Variants in CEP63 observed in about 807,000 individuals in gnomAD.
The protein encoded by CEP63 is centrosomal protein of 63 kDa.
In CEP63, 84 loss-of-function variants were observed where a neutral mutation model predicts 89.1. The ratio of observed to expected loss-of-function variants is 0.94; its 90% CI spans 0.79 to 1.13. CEP63 has a LOEUF of 1.13. Among genes scored for constraint, CEP63 ranks in the 50% most tolerant of loss-of-function variants. The pLI, the probability that CEP63 is intolerant of heterozygous loss-of-function variation, is 0.00. For synonymous variants in CEP63, 267 were observed against 272.5 expected (o/e 0.98, Z 0.20); for missense variants, 838 against 813.3 (o/e 1.03, Z -0.37).
the CEP63 span, among the ~76,000 whole-genome samples, chr3:134,683,630 C>T: frequency 6.6e-6 from 1 of 152,078 alleles, no homozygotes; most frequent in Non-Finnish European, 1.5e-5. Context: ...TAAATGAAAA[C>T]TCCAGGACAC....
In CEP63 at chr3:134,559,272, T is replaced by C. The variant is rs373618043; in HGVS notation, c.1796T>C (p.Leu599Pro). The C allele has an allele frequency of 6.0e-5, 97 of 1,614,206 alleles. No homozygotes were observed. Among genetic ancestry groups the C allele is most frequent in the Non-Finnish European group, 8.1e-5 (96 of 1,180,032 alleles). Reference sequence around the variant, plus strand: ...CCCATGTCTAGGGTGCTAAGCCCCCTGAGTCCTCAAATCAGCCCTTGCAGC... The same window carrying C: ...CCCATGTCTAGGGTGCTAAGCCCCCCGAGTCCTCAAATCAGCCCTTGCAGC... ...INPMSRVLSP[L>P]SPQISPCSST... The change falls in exon 14 of 15, where the codon CTG (leucine) becomes CCG (proline). Residue 599 changes from leucine to proline, a missense_variant. Transcript: ENST00000675561.
intron 10 of CEP63, among the ~76,000 whole-genome samples, chr3:134,581,210 A>G (rs1958337613): frequency 1.3e-5 from 2 of 152,182 alleles, no homozygotes; most frequent in African/African-American, 2.4e-5. Flanking sequence ...TATACAGTAA[A>G]TTTGTGTTAA....
At chr3:134,722,622 A>G in the CEP63 span, among the ~76,000 whole-genome samples, 1 of 151,796 alleles carries the variant, frequency 6.6e-6, no homozygotes, top group Non-Finnish European at 1.5e-5. Flanking sequence ...TTTTTCTAGG[A>G]TGTCATTTTT....
chr3:134,567,192 A>G (rs902124515), downstream of CEP63, among the ~76,000 whole-genome samples: 2 of 151,386 alleles, frequency 1.3e-5, no homozygotes, highest in Non-Finnish European at 2.9e-5. Flanking sequence ...CTCCATTTAC[A>G]TGAATTGCCC....
At chr3:134,715,659 C>T in the CEP63 span, among the ~76,000 whole-genome samples, 4 of 151,676 alleles carry the variant, frequency 2.6e-5, no homozygotes, top group Non-Finnish European at 5.9e-5. Context: ...GCTAGGTCTT[C>T]CTTTAAAGAG....
At chr3:134,686,415 C>A in the CEP63 span, among the ~76,000 whole-genome samples, 3 of 152,172 alleles carry the variant, frequency 2.0e-5, no homozygotes, top group African/African-American at 7.2e-5. Flanking sequence ...CTCAGGTGAC[C>A]AAGCACACTT....
At chr3:134,729,113 A>G in the CEP63 span, among the ~76,000 whole-genome samples, 1 of 152,140 alleles carries the variant, frequency 6.6e-6, no homozygotes, top group Admixed American at 6.6e-5. Context: ...TCAACTTTTA[A>G]TTTTTATAAT....
the CEP63 span, among the ~76,000 whole-genome samples, chr3:134,626,506 A>G: frequency 6.6e-6 from 1 of 152,154 alleles, no homozygotes; most frequent in Non-Finnish European, 1.5e-5. Flanking sequence ...CTCTGCAGGT[A>G]CATGCAGGGA....
chr3:134,620,812 G>T, the CEP63 span: 2 of 1,613,516 alleles, frequency 1.2e-6, no homozygotes, highest in Non-Finnish European at 1.7e-6. Flanking sequence ...TGGGCCTCCT[G>T]GAGCAGGTCA....
At chr3:134,513,634 G>C (rs991117902) in intron 3 of CEP63, among the ~76,000 whole-genome samples, 2 of 152,102 alleles carry the variant, frequency 1.3e-5, no homozygotes, top group Non-Finnish European at 2.9e-5. Flanking sequence ...AAAAGGTTGA[G>C]TGGTGTTTTT....
chr3:134,513,138 G>A (rs11920758), intron 3 of CEP63, among the ~76,000 whole-genome samples: 175 of 152,298 alleles, frequency 1.1e-3, no homozygotes, highest in African/African-American at 4.0e-3. Context: ...AAGGATAGGT[G>A]TATAGCTGTC....
chr3:134,753,028 T>G, the CEP63 span, among the ~76,000 whole-genome samples: 1 of 152,090 alleles, frequency 6.6e-6, no homozygotes, highest in Admixed American at 6.5e-5. Flanking sequence ...AGGCACGAAG[T>G]GGGCACGAAG....
chr3:134,705,046 C>T, the CEP63 span, among the ~76,000 whole-genome samples: 3 of 152,120 alleles, frequency 2.0e-5, no homozygotes, highest in Admixed American at 2.0e-4. Context: ...ATCTGCAGTC[C>T]TAGAAAAGCA....
chr3:134,750,392 G>A, the CEP63 span, among the ~76,000 whole-genome samples: 1 of 152,248 alleles, frequency 6.6e-6, no homozygotes, highest in East Asian at 1.9e-4. Context: ...GCTGCTTCTG[G>A]AACTCTGAGT....
the CEP63 span, among the ~76,000 whole-genome samples, chr3:134,776,386 T>A: frequency 6.6e-6 from 1 of 151,976 alleles, no homozygotes; most frequent in East Asian, 1.9e-4. Flanking sequence ...AATATGAAAA[T>A]TATCAACAAG....
Position 134,559,368 on chromosome 3 carries a change from A to C in CEP63, c.1892A>C (p.Glu631Ala). 3.7e-6 allele frequency: 6 copies of C among 1,614,148 alleles called. No individual in the cohort carries two copies. Among genetic ancestry groups the C allele is most frequent in the Non-Finnish European group, 5.1e-6 (6 of 1,179,978 alleles). The part of the protein sequence containing the change: ...HSLPSALDTN[E>A]ANFSDTMSES... Reference sequence around the variant, plus strand: ...TTGCCTTCAGCGCTAGATACAAATGAAGCCAATTTTTCTGACACTATGTCT... The same window carrying C: ...TTGCCTTCAGCGCTAGATACAAATGCAGCCAATTTTTCTGACACTATGTCT... Residue 631 changes from glutamate (E) to alanine (A), a missense_variant, in exon 14 of 15, where the codon GAA becomes GCA. Transcript: ENST00000675561.
At chr3:134,599,356 G>A in the CEP63 span, among the ~76,000 whole-genome samples, 9 of 152,264 alleles carry the variant, frequency 5.9e-5, no homozygotes, top group African/African-American at 1.9e-4. Context: ...GAGACATGAC[G>A]AAGCCAGATT....
the CEP63 span, among the ~76,000 whole-genome samples, chr3:134,776,222 G>A: frequency 6.6e-6 from 1 of 152,196 alleles, no homozygotes; most frequent in Non-Finnish European, 1.5e-5. Flanking sequence ...AGCAGTTCCA[G>A]TCAGCAGCTG....
chr3:134,577,914 C>T (rs531063214), downstream of CEP63, among the ~76,000 whole-genome samples: 10 of 152,230 alleles, frequency 6.6e-5, no homozygotes, highest in Middle Eastern at 3.4e-3. Context: ...AGGATGATGG[C>T]TTCTGGCTTC....
Sources: allele counts gnomAD v4.1 joint callset (sites outside exome capture counted in the v4.1 genomes callset), GRCh38; gene constraint gnomAD v4.1.1; transcripts MANE v1.5; gene names NCBI Gene and HGNC (gene_info 2026-07-23, HGNC 2026-07-21).